Variants in IARS1 observed in about 807,000 individuals in gnomAD.
The protein encoded by IARS1 is isoleucine--tRNA ligase, cytoplasmic.
Under a neutral mutation model 168.2 loss-of-function variants are expected in IARS1, and 124 were observed. The observed-to-expected ratio is 0.74, with a 90% CI of 0.64 to 0.86. The LOEUF is 0.86. IARS1 is among the 40% of genes least tolerant of loss of function. The probability of loss-of-function intolerance (pLI) is 0.00; values close to 1 mark genes in which losing one functional copy is unlikely to be tolerated. For missense variants in IARS1, 1,452 were observed against 1,515.8 expected, an observed-to-expected ratio of 0.96 and a Z score of 0.70; for synonymous variants, 532 against 529.4, an observed-to-expected ratio of 1.00 and a Z score of -0.07.
intron 9 of IARS1, 53 bp from the exon 10 acceptor site, chr9:92,274,574 G>A (rs1474670117): frequency 7.9e-6 from 10 of 1,268,524 alleles, no homozygotes; most frequent in Middle Eastern, 1.9e-4. Context: ...GTGTTACAAC[G>A]TTAACTTTGT....
intron 30 of IARS1, among the ~76,000 whole-genome samples, chr9:92,230,985 T>C (rs1045202020): frequency 6.6e-5 from 10 of 152,254 alleles, no homozygotes; most frequent in African/African-American, 1.2e-4. Flanking sequence ...ATTCTAGATA[T>C]GTCTTTTGTC....
In IARS1 at chr9:92,274,505, G is replaced by GCGCCATTT; in HGVS notation, c.910_911insAAATGGCG (p.Ala304GlufsTer13). On this transcript the variant is annotated frameshift_variant, in exon 10 of 34. Transcript: ENST00000443024. LOFTEE classifies it high-confidence loss of function. ...ATAGTTGTCAACAAGCACAGTGAAA[G>GCGCCATTT]CGCCATTCTCTTTACACTGGAAAGA... 6.2e-7 allele frequency: 1 copy of GCGCCATTT among 1,613,640 alleles called. No individual in the cohort carries two copies. Among genetic ancestry groups the GCGCCATTT allele is most frequent in the Non-Finnish European group, 8.5e-7 (1 of 1,179,636 alleles).
At chr9:92,251,093 G>A in intron 22 of IARS1, 1 of 517,102 alleles carries the variant, frequency 1.9e-6, no homozygotes. Context: ...AGCACCTAAT[G>A]ATGTATCAGC....
At chr9:92,271,115 T>A in intron 11 of IARS1, 39 bp from the exon 12 acceptor site, 1 of 1,286,046 alleles carries the variant, frequency 7.8e-7, no homozygotes, top group Non-Finnish European at 1.1e-6. Flanking sequence ...TAAAACATAC[T>A]ATAATACTTA....
At chr9:92,264,344 A>AG (rs1480078463) in intron 16 of IARS1, among the ~76,000 whole-genome samples, 1 of 152,072 alleles carries the variant, frequency 6.6e-6, no homozygotes. Flanking sequence ...CTCAAAAAAA[A>AG]AAAAAAAAGT....
chr9:92,212,494 A>T (rs1837922936), intron 33 of IARS1, among the ~76,000 whole-genome samples: 1 of 152,224 alleles, frequency 6.6e-6, no homozygotes, highest in Non-Finnish European at 1.5e-5. Flanking sequence ...GTAGTATTAT[A>T]AATACATAAT....
At chr9:92,274,296 C>G in intron 10 of IARS1, 130 bp downstream of exon 10, 4 of 639,620 alleles carry the variant, frequency 6.3e-6, no homozygotes, top group Non-Finnish European at 1.1e-5. Context: ...ATTTTACAAG[C>G]CATCTTGCAG....
At chr9:92,235,193 C>T (rs1419030172) in intron 30 of IARS1, among the ~76,000 whole-genome samples, 1 of 152,070 alleles carries the variant, frequency 6.6e-6, no homozygotes, top group Non-Finnish European at 1.5e-5. Context: ...AGCTTTATTC[C>T]TTTCTTTATC....
intron 5 of IARS1, 61 bp from the exon 6 acceptor site, chr9:92,285,900 T>C: frequency 1.1e-6 from 1 of 936,528 alleles, no homozygotes; most frequent in Non-Finnish European, 1.7e-6. Context: ...AATGCAAACA[T>C]TTATGCCATT....
intron 22 of IARS1, chr9:92,251,099 T>A: frequency 4.0e-6 from 2 of 506,246 alleles, no homozygotes; most frequent in Admixed American, 4.6e-5. Context: ...TAATGATGTA[T>A]CAGCCAAGTC....
Position 92,293,677 on chromosome 9 carries a change from C to A in IARS1, c.-74G>T, listed in dbSNP as rs114740000. ...AGCCTAAAAGCAACTCATCCGGCGT[C>A]CACGCTGCAACCGGGCGCACGGAGG... On this transcript the variant is annotated 5_prime_UTR_variant, in exon 1 of 34. Transcript: ENST00000443024. The A allele has an allele frequency of 7.5e-3, 2,066 of 274,924 alleles. 42 individuals are homozygous for A. The highest frequency in any genetic ancestry group is 0.042 in the African/African-American group (1,892 of 45,150). The allele number at this position is 274,924 out of a possible 1,614,324, so 17.0% of individuals were successfully genotyped here. A position where few individuals can be genotyped will look rare whatever the true frequency, so the allele number is the denominator to read the frequency against.
chr9:92,285,545 G>C (rs1232155576), intron 6 of IARS1, among the ~76,000 whole-genome samples, 177 bp downstream of exon 6: 1 of 152,096 alleles, frequency 6.6e-6, no homozygotes, highest in Non-Finnish European at 1.5e-5. Flanking sequence ...CATCTTAACA[G>C]AGCCTTAGTA....
intron 1 of IARS1, among the ~76,000 whole-genome samples, chr9:92,290,019 T>A (rs563991717): frequency 3.1e-4 from 47 of 152,218 alleles, no homozygotes; most frequent in Non-Finnish European, 5.0e-4. Flanking sequence ...CTATGAACAT[T>A]CACATACAAA....
chr9:92,230,965 A>T (rs1233977422), intron 30 of IARS1, among the ~76,000 whole-genome samples: 1 of 152,174 alleles, frequency 6.6e-6, no homozygotes, highest in Admixed American at 6.5e-5. Flanking sequence ...GATTTAAAAG[A>T]TCTTTACGTA....
At chr9:92,231,859 C>T (rs1335066593) in intron 30 of IARS1, among the ~76,000 whole-genome samples, 1 of 152,136 alleles carries the variant, frequency 6.6e-6, no homozygotes, top group Non-Finnish European at 1.5e-5. Flanking sequence ...GAAACCAACA[C>T]ACATGCTTTT....
intron 1 of IARS1, 119 bp from the exon 2 acceptor site, chr9:92,289,545 T>G (rs912471326): frequency 6.3e-6 from 4 of 638,808 alleles, no homozygotes; most frequent in Non-Finnish European, 1.1e-5. Flanking sequence ...ACAGCTTTAT[T>G]GATGTACAAT....
At chr9:92,288,678 C>CTA (rs1018328550) in intron 2 of IARS1, among the ~76,000 whole-genome samples, 26 of 152,178 alleles carry the variant, frequency 1.7e-4, no homozygotes, top group Middle Eastern at 3.4e-3. Flanking sequence ...GCAGGTAGTA[C>CTA]TATAGTAGCC....
chr9:92,262,288 A>G (rs935657241), intron 17 of IARS1, among the ~76,000 whole-genome samples: 4 of 152,188 alleles, frequency 2.6e-5, no homozygotes, highest in Non-Finnish European at 5.9e-5. Flanking sequence ...CTGGCAAAAA[A>G]TAAGGATGCA....
rs1000783000 is a variant in IARS1 at position 92,253,590 on chromosome 9, T to C, written c.2138-137A>G. On this transcript the variant is annotated intron_variant, in intron 20 of 33. Transcript: ENST00000443024. Reference sequence around the variant, plus strand: ...CTTACTAAGGAGAAAAGAACCAAAATGAATCAATCACATAATGACTGTTTG... The same window carrying C: ...CTTACTAAGGAGAAAAGAACCAAAACGAATCAATCACATAATGACTGTTTG... The C allele has an allele frequency of 4.7e-6, 3 of 638,298 alleles. No homozygotes were observed. In the East Asian group the frequency reaches 8.0e-5, roughly 17 times the overall value. 39.5% of individuals were successfully genotyped at this position (638,298 alleles called of 1,614,324 possible).
Sources: allele counts gnomAD v4.1 joint callset (sites outside exome capture counted in the v4.1 genomes callset), GRCh38; gene constraint gnomAD v4.1.1; transcripts MANE v1.5; gene names NCBI Gene and HGNC (gene_info 2026-07-23, HGNC 2026-07-21).